The following TRMO variants were observed in gnomAD, a reference collection of about 807,000 sequenced individuals.
TRMO encodes tRNA (adenine(37)-N6)-methyltransferase.
Under a neutral mutation model 37.2 loss-of-function variants are expected in TRMO, and 30 were observed. The ratio of observed to expected loss-of-function variants is 0.81; its 90% CI spans 0.60 to 1.09. The LOEUF (loss-of-function observed/expected upper bound fraction) is 1.09, where lower values mean the gene tolerates loss of function less well. Ranked by LOEUF, TRMO falls within the 50% of genes least tolerant of loss-of-function variation. The pLI, the probability that TRMO is intolerant of heterozygous loss-of-function variation, is 0.00. For missense variants in TRMO, 552 were observed against 549.5 expected (o/e 1.00, Z -0.05); for synonymous variants, 239 against 199.4 (o/e 1.20, Z -1.67).
intron 1 of TRMO, among the ~76,000 whole-genome samples, chr9:97,917,953 A>G (rs1406711178): frequency 3.3e-5 from 5 of 150,164 alleles, no homozygotes; most frequent in Admixed American, 3.3e-4. Context: ...AAGTGCTAGT[A>G]TTACAGGTGT....
chr9:97,910,873 A>G, intron 3 of TRMO: 1 of 581,272 alleles, frequency 1.7e-6, no homozygotes, highest in East Asian at 3.2e-5. Flanking sequence ...CTCCAGACAA[A>G]AGCATTCTTT....
intron 1 of TRMO, 49 bp from the exon 2 acceptor site, chr9:97,916,387 AGT>A: frequency 7.2e-7 from 1 of 1,381,980 alleles, no homozygotes; most frequent in Non-Finnish European, 1.0e-6. Context: ...GGTCAAACCA[AGT>A]TGTAAGAAAA....
At chr9:97,900,696 T>G, downstream of TRMO, 1 of 847,678 alleles carries the variant, frequency 1.2e-6, no homozygotes, top group Non-Finnish European at 1.4e-6. Context: ...AAGCACATAG[T>G]CCAGTTCCAA....
At chr9:97,904,336 A>T (rs2131511073), downstream of TRMO, among the ~76,000 whole-genome samples, 1 of 152,320 alleles carries the variant, frequency 6.6e-6, no homozygotes, top group East Asian at 1.9e-4. Context: ...TTTGGAATCA[A>T]ATAGAAAGGT....
intron 4 of TRMO, among the ~76,000 whole-genome samples, chr9:97,907,410 C>T (rs1825901839): frequency 6.6e-6 from 1 of 152,156 alleles, no homozygotes; most frequent in South Asian, 2.1e-4. Context: ...CTTCTTTTTC[C>T]CATCAGAAAA....
intron 4 of TRMO, among the ~76,000 whole-genome samples, chr9:97,905,589 A>AT (rs11455506): frequency 0.73 from 110,712 of 152,066 alleles, 41,775 homozygotes; most frequent in East Asian, 0.99. Context: ...AATGTATTTT[A>AT]TTTTTAATAT....
chr9:97,902,983 T>C (rs1283397768), downstream of TRMO, among the ~76,000 whole-genome samples: 2 of 152,078 alleles, frequency 1.3e-5, no homozygotes, highest in Non-Finnish European at 1.5e-5. Flanking sequence ...AAAATCAAAT[T>C]AGCCCAGGCA....
intron 4 of TRMO, among the ~76,000 whole-genome samples, chr9:97,909,444 TAGCA>T (rs1294956323): frequency 6.6e-6 from 1 of 152,190 alleles, no homozygotes; most frequent in Non-Finnish European, 1.5e-5. Context: ...TGTATGCCTC[TAGCA>T]GTGGGACTTT....
intron 1 of TRMO, among the ~76,000 whole-genome samples, chr9:97,921,509 G>A (rs1287965125): frequency 6.7e-6 from 1 of 148,742 alleles, no homozygotes; most frequent in Non-Finnish European, 1.5e-5. Context: ...CTGCAAGCCC[G>A]CCTCCCGGGT....
chr9:97,915,199 T>G (rs1261863580), intron 2 of TRMO, among the ~76,000 whole-genome samples: 1 of 152,216 alleles, frequency 6.6e-6, no homozygotes, highest in Non-Finnish European at 1.5e-5. Context: ...CAAACAATGC[T>G]AGTATAACAC....
chr9:97,917,975 C>G (rs1002889233), intron 1 of TRMO, among the ~76,000 whole-genome samples: 1 of 151,560 alleles, frequency 6.6e-6, no homozygotes, highest in Non-Finnish European at 1.5e-5. Context: ...AGCCACCACA[C>G]CTGGCCAATA....
downstream of TRMO, among the ~76,000 whole-genome samples, chr9:97,903,679 A>T (rs1825736183): frequency 6.6e-6 from 1 of 152,220 alleles, no homozygotes; most frequent in South Asian, 2.1e-4. Flanking sequence ...TAATTTATTT[A>T]TGTCTTACTT....
chr9:97,900,683 G>A (rs187452639), downstream of TRMO: 9 of 755,360 alleles, frequency 1.2e-5, no homozygotes, highest in Admixed American at 1.3e-4. Flanking sequence ...CCCAATGTAC[G>A]AAAAGCACAT....
chr9:97,908,213 C>T (rs992252255), intron 4 of TRMO, among the ~76,000 whole-genome samples: 1 of 152,064 alleles, frequency 6.6e-6, no homozygotes, highest in East Asian at 1.9e-4. Context: ...GAGATCGAGA[C>T]CATCCTGCCT....
downstream of TRMO, among the ~76,000 whole-genome samples, chr9:97,904,031 G>A (rs1384300191): frequency 1.3e-5 from 2 of 152,052 alleles, no homozygotes; most frequent in Non-Finnish European, 2.9e-5. Context: ...GCAGTGAGCC[G>A]AGATCACGCC....
chr9:97,910,527 G>C lies in TRMO; in HGVS notation c.499C>G (p.Gln167Glu), dbSNP rs777236790. ...KPYIAEYDSP[Q>E]NVMEPLADFN... ...TCTGCTAAAGGCTCCATCACATTTT[G>C]CGGTGAGTCATACTCAGCTATGTAG... Residue 167 changes from glutamine to glutamate, a missense_variant, in exon 4 of 5, where the codon CAA becomes GAA. Physicochemically the swap from Gln to Glu is conservative, Grantham distance 29. Coordinates refer to ENST00000375119, the MANE Select transcript of TRMO (RefSeq NM_016481.5). 1 of 1,614,184 alleles carries C rather than the reference G, an allele frequency of 6.2e-7. No individual in the cohort carries two copies. Among genetic ancestry groups the C allele is most frequent in the East Asian group, 2.2e-5 (1 of 44,886 alleles).
At chr9:97,901,786 T>C (rs1477501196), downstream of TRMO, among the ~76,000 whole-genome samples, 2 of 146,830 alleles carry the variant, frequency 1.4e-5, no homozygotes, top group East Asian at 4.0e-4. Flanking sequence ...GATGGATAAA[T>C]AAAGTTTCCA....
chr9:97,901,201 A>C (rs1010698828), downstream of TRMO, among the ~76,000 whole-genome samples: 2 of 152,214 alleles, frequency 1.3e-5, no homozygotes, highest in Admixed American at 6.5e-5. Context: ...CAGGCACCAA[A>C]AAGCAAAGGC....
chr9:97,910,696 T>C, intron 3 of TRMO, 80 bp from the exon 4 acceptor site: 1 of 1,504,008 alleles, frequency 6.6e-7, no homozygotes, highest in Non-Finnish European at 9.0e-7. Context: ...CCTCTAACAC[T>C]GTCTGCTTAC....
Sources: gnomAD v4.1 joint callset for allele counts (sites outside exome capture counted in the v4.1 genomes callset) on GRCh38, gnomAD v4.1.1 for gene constraint, MANE v1.5 for transcripts, NCBI Gene and HGNC (gene_info 2026-07-23, HGNC 2026-07-21) for gene names.